Variants in SLC25A13 observed in about 807,000 individuals in gnomAD.
The protein encoded by SLC25A13 is electrogenic aspartate/glutamate antiporter SLC25A13, mitochondrial.
SLC25A13 carries 70 observed loss-of-function variants against 85.5 expected under a neutral mutation model. That is an observed-to-expected ratio of 0.82 (90% CI 0.68 to 1.00). The LOEUF is 1.00. Ranked by LOEUF, SLC25A13 falls within the 50% of genes least tolerant of loss-of-function variation. The pLI, the probability that SLC25A13 is intolerant of heterozygous loss-of-function variation, is 0.00. For synonymous variants in SLC25A13, 259 were observed against 288.7 expected (o/e 0.90, Z 1.04); for missense variants, 765 against 819.8 (o/e 0.93, Z 0.82).
rs374599148 is a variant in SLC25A13, at chr7:96,189,443, T to C, written c.849-65A>G. 1.3e-5 allele frequency: 20 copies of C among 1,567,428 alleles called. No individual in the cohort carries two copies. In the East Asian group the frequency reaches 1.8e-4, roughly 14 times the overall value. On this transcript the variant is annotated intron_variant, in intron 8 of 17. Coordinates refer to ENST00000265631, the MANE Select transcript of SLC25A13 (RefSeq NM_014251.3). Reference sequence around the variant, plus strand: ...TTTATTACAATTTACATTATAAAATTTAAAAACATCCCTTTTTTCATTTCT... The same window carrying C: ...TTTATTACAATTTACATTATAAAATCTAAAAACATCCCTTTTTTCATTTCT...
At chr7:96,161,153 C>T (rs1373517113) in intron 13 of SLC25A13, among the ~76,000 whole-genome samples, 1 of 152,014 alleles carries the variant, frequency 6.6e-6, no homozygotes, top group Non-Finnish European at 1.5e-5. Flanking sequence ...TTATCTTCAT[C>T]CTGTTCTTAA....
At chr7:96,146,005 C>A (rs1792771877) in intron 14 of SLC25A13, among the ~76,000 whole-genome samples, 1 of 152,062 alleles carries the variant, frequency 6.6e-6, no homozygotes, top group Admixed American at 6.5e-5. Flanking sequence ...GGCATATAGG[C>A]AGACAGTTCT....
chr7:96,214,446 G>A (rs1045077322), intron 4 of SLC25A13, among the ~76,000 whole-genome samples: 9 of 152,240 alleles, frequency 5.9e-5, no homozygotes, highest in East Asian at 1.9e-4. Context: ...AAAACAACTC[G>A]GTCAGGCGCA....
At chr7:96,232,787 G>T (rs1403753165) in intron 4 of SLC25A13, among the ~76,000 whole-genome samples, 1 of 152,044 alleles carries the variant, frequency 6.6e-6, no homozygotes, top group African/African-American at 2.4e-5. Flanking sequence ...GTCCTGTAAA[G>T]TAGTTATTAC....
intron 11 of SLC25A13, among the ~76,000 whole-genome samples, chr7:96,182,389 C>T (rs1273993580): frequency 6.6e-6 from 1 of 152,226 alleles, no homozygotes; most frequent in African/African-American, 2.4e-5. Flanking sequence ...TCACACTCTA[C>T]TCATCATCCT....
intron 3 of SLC25A13, among the ~76,000 whole-genome samples, chr7:96,265,082 A>T (rs1797998980): frequency 1.3e-5 from 2 of 152,180 alleles, no homozygotes; most frequent in Admixed American, 6.6e-5. Flanking sequence ...CTTTGATACA[A>T]CACCAAATCC....
chr7:96,289,694 A>G (rs1463142029), intron 2 of SLC25A13, among the ~76,000 whole-genome samples: 1 of 152,244 alleles, frequency 6.6e-6, no homozygotes, highest in Admixed American at 6.5e-5. Flanking sequence ...TGAAGCGAGA[A>G]GAGAAGTTTA....
intron 4 of SLC25A13, among the ~76,000 whole-genome samples, chr7:96,229,757 GC>G (rs1273009214): frequency 6.6e-6 from 1 of 152,108 alleles, no homozygotes; most frequent in Non-Finnish European, 1.5e-5. Flanking sequence ...CACTCCTGAA[GC>G]CAGCGAGACC....
At chr7:96,222,029 A>G (rs1361029376) in intron 4 of SLC25A13, among the ~76,000 whole-genome samples, 2 of 152,244 alleles carry the variant, frequency 1.3e-5, no homozygotes, top group Non-Finnish European at 2.9e-5. Context: ...TAAGTTTGCT[A>G]AACTACAATT....
At chr7:96,229,866 A>G (rs13236787) in intron 4 of SLC25A13, among the ~76,000 whole-genome samples, 82,565 of 151,952 alleles carry the variant, frequency 0.54, 23,752 homozygotes, top group Non-Finnish European at 0.63. Flanking sequence ...ACTCACCACG[A>G]GGGTCCGCAG....
At chr7:96,298,150 T>C (rs1198161203) in intron 1 of SLC25A13, among the ~76,000 whole-genome samples, 1 of 152,206 alleles carries the variant, frequency 6.6e-6, no homozygotes, top group Non-Finnish European at 1.5e-5. Flanking sequence ...CCCATGTTGC[T>C]ATCCACAGGG....
intron 1 of SLC25A13, among the ~76,000 whole-genome samples, chr7:96,297,290 G>C (rs1799383856): frequency 6.6e-6 from 1 of 151,604 alleles, no homozygotes; most frequent in South Asian, 2.1e-4. Flanking sequence ...CCTTTCACAG[G>C]AGAATTTAAG....
intron 13 of SLC25A13, among the ~76,000 whole-genome samples, chr7:96,158,315 T>C (rs1342962331): frequency 6.6e-6 from 1 of 152,204 alleles, no homozygotes; most frequent in East Asian, 1.9e-4. Context: ...AGACTATTAA[T>C]AGTCTTGCAT....
intron 13 of SLC25A13, among the ~76,000 whole-genome samples, chr7:96,162,254 T>C (rs975553697): frequency 2.0e-5 from 3 of 152,114 alleles, no homozygotes; most frequent in African/African-American, 7.2e-5. Flanking sequence ...TATGAGGAAA[T>C]TTTCTTCCTG....
At chr7:96,234,732 GAAAA>G in intron 4 of SLC25A13, 66 bp downstream of exon 4, 1 of 967,582 alleles carries the variant, frequency 1.0e-6, no homozygotes, top group South Asian at 1.6e-5. Flanking sequence ...TTTGTTCCTA[GAAAA>G]AAAAAAAAGA....
At chr7:96,169,096 T>C (rs905194988) in intron 13 of SLC25A13, among the ~76,000 whole-genome samples, 1 of 152,128 alleles carries the variant, frequency 6.6e-6, no homozygotes, top group Non-Finnish European at 1.5e-5. Flanking sequence ...ATTCCATCCA[T>C]CTCTAAAGAA....
At chr7:96,244,020 G>C (rs1360382944) in intron 3 of SLC25A13, among the ~76,000 whole-genome samples, 2 of 152,214 alleles carry the variant, frequency 1.3e-5, no homozygotes, top group Non-Finnish European at 2.9e-5. Context: ...GAAGCAGTGA[G>C]CCCAGTTAGA....
chr7:96,166,228 C>A (rs765811818), intron 13 of SLC25A13, among the ~76,000 whole-genome samples: 41 of 152,192 alleles, frequency 2.7e-4, no homozygotes, highest in Non-Finnish European at 5.6e-4. Context: ...CACACTCACG[C>A]ACACACATGT....
At chr7:96,160,575 G>A (rs1265985260) in intron 13 of SLC25A13, among the ~76,000 whole-genome samples, 2 of 152,176 alleles carry the variant, frequency 1.3e-5, no homozygotes, top group African/African-American at 4.8e-5. Flanking sequence ...TCCTCACATG[G>A]AGGAAGGAGT....
Sources: allele counts gnomAD v4.1 joint callset (sites outside exome capture counted in the v4.1 genomes callset), GRCh38; gene constraint gnomAD v4.1.1; transcripts MANE v1.5; gene names NCBI Gene and HGNC (gene_info 2026-07-23, HGNC 2026-07-21).